RECK: variants seen among roughly 807,000 people sequenced by gnomAD.
RECK encodes reversion-inducing cysteine-rich protein with Kazal motifs.
In RECK, 69 loss-of-function variants were observed where a neutral mutation model predicts 115.1. That is an observed-to-expected ratio of 0.60 (90% CI 0.49 to 0.73). The LOEUF is 0.73. Among genes scored for constraint, RECK ranks in the 30% least tolerant of loss-of-function variants. The probability of loss-of-function intolerance (pLI) is 0.00; values close to 1 mark genes in which losing one functional copy is unlikely to be tolerated. For missense variants in RECK, 1,047 were observed against 1,203.7 expected (o/e 0.87, Z 1.93); for synonymous variants, 414 against 419.7 (o/e 0.99, Z 0.17).
At position 36,084,259 on chromosome 9, in the gene RECK, C is replaced by T. The variant is rs570765764; in HGVS notation, c.637+697C>T. Among the ~76,000 whole-genome samples the T allele has an allele frequency of 2.0e-5, 3 of 152,074 alleles. No homozygotes were observed. The South Asian group carries it at 6.2e-4, about 32-fold the overall frequency. On this transcript the variant is annotated intron_variant, in intron 8 of 20. Transcript: ENST00000377966. The stretch of plus-strand genomic sequence containing the variant: ...AAAAAATACAGAAATTAGCCAGGTT[C>T]ACACGCTTGTGATCCCAGCTTCTTG...
chr9:36,120,118 C>T (rs546990586), intron 18 of RECK, among the ~76,000 whole-genome samples: 1 of 152,050 alleles, frequency 6.6e-6, no homozygotes, highest in South Asian at 2.1e-4. Context: ...ACCTGTAGTC[C>T]CAGCTACTCT....
At chr9:36,056,352 G>C (rs1030164226) in intron 2 of RECK, among the ~76,000 whole-genome samples, 1 of 152,048 alleles carries the variant, frequency 6.6e-6, no homozygotes. Flanking sequence ...GTTTGGATCA[G>C]AATTCAAGTG....
At chr9:36,066,658 A>G (rs1187231419) in intron 6 of RECK, 1 of 395,288 alleles carries the variant, frequency 2.5e-6, no homozygotes, top group Non-Finnish European at 4.1e-6. Flanking sequence ...TTATTTTCTT[A>G]TCTCTCTATC....
intron 16 of RECK, among the ~76,000 whole-genome samples, chr9:36,114,308 T>C (rs1824175103): frequency 6.6e-6 from 1 of 152,236 alleles, no homozygotes; most frequent in Non-Finnish European, 1.5e-5. Flanking sequence ...GCCACAATGC[T>C]TAACCTTCTT....
chr9:36,044,675 C>CA (rs1443891552), intron 1 of RECK, among the ~76,000 whole-genome samples: 2 of 152,072 alleles, frequency 1.3e-5, no homozygotes, highest in Non-Finnish European at 2.9e-5. Flanking sequence ...TCTTAAATAA[C>CA]AAAAACATCA....
chr9:36,109,848 A>G, intron 14 of RECK, 109 bp from the exon 15 acceptor site: 1 of 1,182,188 alleles, frequency 8.5e-7, no homozygotes, highest in South Asian at 1.4e-5. Flanking sequence ...TTCTCAAAAA[A>G]AAAAAAAGGA....
At chr9:36,052,566 T>C (rs1197895282) in intron 2 of RECK, among the ~76,000 whole-genome samples, 3 of 152,184 alleles carry the variant, frequency 2.0e-5, no homozygotes, top group Non-Finnish European at 4.4e-5. Flanking sequence ...CCTTAACTAA[T>C]TGTCCAGGGT....
At chr9:36,069,638 T>C (rs1822149730) in intron 6 of RECK, among the ~76,000 whole-genome samples, 1 of 152,012 alleles carries the variant, frequency 6.6e-6, no homozygotes. Flanking sequence ...AAAGAAATTA[T>C]ATGGAAAAGA....
Position 36,063,841 on chromosome 9 carries a change from A to G in RECK, c.318A>G (p.Glu106=). The change falls in exon 5 of 21, where the codon GAA becomes GAG. Residue 106 remains glutamate (E), a synonymous_variant. Coordinates refer to ENST00000377966, the MANE Select transcript of RECK (RefSeq NM_021111.3). ...SDGWVGLGCC[E]LAIALECRQA... The stretch of plus-strand genomic sequence containing the variant: ...GCTGGGTTGGCTTAGGCTGCTGTGA[A>G]CTGGCTATTGCCTTGGAGTGTCGAC... 1 of 1,614,084 alleles carries G rather than the reference A, an allele frequency of 6.2e-7. No individual in the cohort carries two copies. Among genetic ancestry groups the G allele is most frequent in the Non-Finnish European group, 8.5e-7 (1 of 1,179,962 alleles).
rs398113450 is a variant in RECK, at chr9:36,058,805, CTT to C, written c.160-11_160-10del. On this transcript the variant is annotated intron_variant, in intron 2 of 20. Transcript: ENST00000377966. ...TTCTTATAGAAAAATGCCACAAAAA[CTT>C]TTTTTTTTTTGTCAAATAGATTTTC... 665 of 1,225,650 alleles carry C rather than the reference CTT, an allele frequency of 5.4e-4. No individual in the cohort carries two copies. The highest frequency in any genetic ancestry group is 1.5e-3 in the South Asian group (106 of 70,200). 75.9% of individuals were successfully genotyped at this position (1,225,650 alleles called of 1,614,324 possible).
At chr9:36,084,678 G>A (rs1351235566) in intron 8 of RECK, among the ~76,000 whole-genome samples, 1 of 146,398 alleles carries the variant, frequency 6.8e-6, no homozygotes, top group South Asian at 2.3e-4. Context: ...CTGGGCAACA[G>A]ACCAGACATC....
chr9:36,078,001 T>C (rs902928503), intron 6 of RECK, among the ~76,000 whole-genome samples: 2 of 151,624 alleles, frequency 1.3e-5, no homozygotes, highest in Admixed American at 6.6e-5. Context: ...CTGGGCAACA[T>C]AGCAAAACCC....
intron 2 of RECK, among the ~76,000 whole-genome samples, chr9:36,058,205 A>G (rs1354663853): frequency 2.0e-5 from 3 of 152,208 alleles, no homozygotes; most frequent in Non-Finnish European, 2.9e-5. Flanking sequence ...CATGCACACT[A>G]TGTTTTTTGC....
chr9:36,076,491 C>T lies in RECK; in HGVS notation c.406-4114C>T, dbSNP rs552643610. 8.2e-4 allele frequency among the ~76,000 whole-genome samples: 125 copies of T among 152,164 alleles called. 4 individuals are homozygous for T. In the South Asian group the frequency reaches 0.025, roughly 30 times the overall value. On this transcript the variant is annotated intron_variant, in intron 6 of 20. Transcript: ENST00000377966. ...TTACTCTGTTTTTGTGCCAGGTTTG[C>T]CCACAGTTCATATGCTCCCAACAGT... is the stretch of plus-strand genomic sequence containing the variant.
At position 36,121,014 on chromosome 9, in the gene RECK, T is replaced by C. The variant is rs540867774; in HGVS notation, c.2538+278T>C. Among the ~76,000 whole-genome samples, 9 of 152,278 alleles carry C rather than the reference T, an allele frequency of 5.9e-5. No homozygotes were observed. The East Asian group carries it at 1.7e-3, about 29-fold the overall frequency. Reference sequence around the variant, plus strand: ...AAGGCCCCTGCTGGCACAGTAAGCATAGGTGGGGCTGCAGGCAGAGCCAGG... The same window carrying C: ...AAGGCCCCTGCTGGCACAGTAAGCACAGGTGGGGCTGCAGGCAGAGCCAGG... On this transcript the variant is annotated intron_variant, in intron 19 of 20. Coordinates refer to ENST00000377966, the MANE Select transcript of RECK (RefSeq NM_021111.3).
chr9:36,073,231 G>C (rs199529136), intron 6 of RECK, among the ~76,000 whole-genome samples: 4,157 of 94,356 alleles, frequency 0.044, 104 homozygotes, highest in East Asian at 0.16. Context: ...GACACACACA[G>C]ACACACACAG....
chr9:36,045,799 G>T (rs1285133105), intron 1 of RECK, among the ~76,000 whole-genome samples: 2 of 152,022 alleles, frequency 1.3e-5, no homozygotes, highest in African/African-American at 4.8e-5. Context: ...GCATGTGGCT[G>T]GAGCATGTGC....
At chr9:36,069,149 G>A (rs1220774907) in intron 6 of RECK, among the ~76,000 whole-genome samples, 3 of 152,048 alleles carry the variant, frequency 2.0e-5, no homozygotes, top group Non-Finnish European at 4.4e-5. Context: ...CAGGAACAAT[G>A]GTGAATAGAA....
chr9:36,107,626 C>T (rs1202057595), intron 13 of RECK, among the ~76,000 whole-genome samples: 1 of 149,110 alleles, frequency 6.7e-6, no homozygotes, highest in African/African-American at 2.5e-5. Flanking sequence ...AAAAAAAATA[C>T]TGTTAGTTTC....
Sources: gnomAD v4.1 joint callset for allele counts (sites outside exome capture counted in the v4.1 genomes callset) on GRCh38, gnomAD v4.1.1 for gene constraint, MANE v1.5 for transcripts, NCBI Gene and HGNC (gene_info 2026-07-23, HGNC 2026-07-21) for gene names.